PDE8B: variants seen among roughly 807,000 people sequenced by gnomAD.
The protein encoded by PDE8B is phosphodiesterase 8B.
PDE8B carries 26 observed loss-of-function variants against 101.3 expected under a neutral mutation model. The ratio of observed to expected loss-of-function variants is 0.26; its 90% CI spans 0.19 to 0.36. The LOEUF (loss-of-function observed/expected upper bound fraction) is 0.36. PDE8B is among the 10% of genes least tolerant of loss of function. The pLI is 1.00. For missense variants in PDE8B, 810 were observed against 1,163.1 expected (o/e 0.70, Z 4.42); for synonymous variants, 424 against 429.3 (o/e 0.99, Z 0.15).
chr5:77,312,105 CTTTTTTTTTT>C (rs11395504), intron 2 of PDE8B, 52 bp downstream of exon 2: 3 of 871,010 alleles, frequency 3.4e-6, no homozygotes, highest in Non-Finnish European at 5.2e-6. Context: ...TTTTTTTTTT[CTTTTTTTTTT>C]TTTTTTGAGA....
At chr5:77,092,938 T>G in the PDE8B span, among the ~76,000 whole-genome samples, 1 of 152,076 alleles carries the variant, frequency 6.6e-6, no homozygotes, top group Non-Finnish European at 1.5e-5. Flanking sequence ...CCAAACCCAG[T>G]TTGAGAAAAA....
At chr5:77,096,626 C>G in the PDE8B span, among the ~76,000 whole-genome samples, 2 of 152,170 alleles carry the variant, frequency 1.3e-5, no homozygotes, top group Non-Finnish European at 2.9e-5. Context: ...ACATTTCCCA[C>G]TGGGCTCTTC....
At chr5:77,184,406 T>C in the PDE8B span, among the ~76,000 whole-genome samples, 2 of 152,222 alleles carry the variant, frequency 1.3e-5, no homozygotes, top group East Asian at 3.8e-4. Context: ...AGAAGTATTG[T>C]CTATAAACTA....
chr5:77,090,262 C>G, the PDE8B span, among the ~76,000 whole-genome samples: 2 of 151,810 alleles, frequency 1.3e-5, no homozygotes, highest in Non-Finnish European at 2.9e-5. Flanking sequence ...TTTTTTGAGA[C>G]GGAGTCTTGC....
chr5:77,353,594 T>C (rs893002778), intron 10 of PDE8B, among the ~76,000 whole-genome samples, 188 bp downstream of exon 10: 2 of 152,142 alleles, frequency 1.3e-5, no homozygotes, highest in African/African-American at 4.8e-5. Flanking sequence ...CCTATATCAC[T>C]TTATTTGTAG....
At chr5:77,170,357 G>C in the PDE8B span, among the ~76,000 whole-genome samples, 4 of 152,166 alleles carry the variant, frequency 2.6e-5, no homozygotes, top group African/African-American at 9.7e-5. Context: ...GGAGCTCATG[G>C]TCTCACTGGG....
intron 1 of PDE8B, among the ~76,000 whole-genome samples, chr5:77,284,906 G>A (rs991316227): frequency 6.6e-6 from 1 of 152,174 alleles, no homozygotes; most frequent in Non-Finnish European, 1.5e-5. Flanking sequence ...GAGCTGTCAT[G>A]AATAATGCTG....
intron 1 of PDE8B, among the ~76,000 whole-genome samples, chr5:77,247,246 G>A (rs1054102937): frequency 2.6e-5 from 4 of 152,270 alleles, no homozygotes; most frequent in Middle Eastern, 3.4e-3. Context: ...GCTCACAGGT[G>A]TACTTTTCTC....
the PDE8B span, among the ~76,000 whole-genome samples, chr5:77,176,753 GA>G: frequency 6.6e-6 from 1 of 152,216 alleles, no homozygotes; most frequent in Non-Finnish European, 1.5e-5. Context: ...TGAATTTGGA[GA>G]GTTGTTAGTA....
the PDE8B span, among the ~76,000 whole-genome samples, chr5:77,102,558 A>C: frequency 6.6e-6 from 1 of 152,328 alleles, no homozygotes; most frequent in East Asian, 1.9e-4. Context: ...GTTGTTCATT[A>C]TTTATCAATG....
intron 1 of PDE8B, among the ~76,000 whole-genome samples, chr5:77,305,527 G>T (rs1771004915): frequency 6.6e-6 from 1 of 152,124 alleles, no homozygotes; most frequent in Non-Finnish European, 1.5e-5. Context: ...GGGGAGAGAG[G>T]GTGGGATGGG....
At chr5:77,250,724 A>G (rs542577348) in intron 1 of PDE8B, among the ~76,000 whole-genome samples, 2 of 152,240 alleles carry the variant, frequency 1.3e-5, no homozygotes, top group African/African-American at 4.8e-5. Context: ...ATTGTCTGGG[A>G]GTCACTTTCC....
chr5:77,092,894 A>G, the PDE8B span, among the ~76,000 whole-genome samples: 1 of 152,330 alleles, frequency 6.6e-6, no homozygotes, highest in South Asian at 2.1e-4. Context: ...AATACACTCC[A>G]GCCTGGGTGA....
intron 19 of PDE8B, among the ~76,000 whole-genome samples, chr5:77,420,360 T>G (rs555904162): frequency 8.3e-5 from 11 of 132,266 alleles, no homozygotes; most frequent in Non-Finnish European, 1.7e-4. Context: ...TTTATTGTGT[T>G]TTCCTTTTTT....
chr5:77,135,612 G>A, the PDE8B span, among the ~76,000 whole-genome samples: 3 of 152,002 alleles, frequency 2.0e-5, no homozygotes, highest in East Asian at 5.8e-4. Flanking sequence ...GAGTAGCTGG[G>A]ATTACAGGCA....
chr5:77,339,589 A>AC (rs1464156671), intron 6 of PDE8B, among the ~76,000 whole-genome samples: 1 of 152,118 alleles, frequency 6.6e-6, no homozygotes, highest in Non-Finnish European at 1.5e-5. Flanking sequence ...ATATACCTGC[A>AC]CCCCAAGGCA....
At chr5:77,101,442 G>A in the PDE8B span, among the ~76,000 whole-genome samples, 2 of 152,094 alleles carry the variant, frequency 1.3e-5, no homozygotes, top group African/African-American at 4.8e-5. Flanking sequence ...GATCCAGCTT[G>A]CCTGCTTGGA....
the PDE8B span, among the ~76,000 whole-genome samples, chr5:77,175,230 C>A: frequency 6.6e-6 from 1 of 152,196 alleles, no homozygotes; most frequent in African/African-American, 2.4e-5. Flanking sequence ...CCTGCCCTAG[C>A]AGTTTCCACC....
the PDE8B span, among the ~76,000 whole-genome samples, chr5:77,128,630 T>A: frequency 6.6e-6 from 1 of 152,164 alleles, no homozygotes; most frequent in African/African-American, 2.4e-5. Context: ...CTGGGGTAAG[T>A]GGCCAGGCCA....
Sources: allele counts gnomAD v4.1 joint callset (sites outside exome capture counted in the v4.1 genomes callset), GRCh38; gene constraint gnomAD v4.1.1; transcripts MANE v1.5; gene names NCBI Gene and HGNC (gene_info 2026-07-23, HGNC 2026-07-21).